SERINC5: variants seen among roughly 807,000 people sequenced by gnomAD.
The protein encoded by SERINC5 is chromosome 5 open reading frame 12.
Under a neutral mutation model 63.1 loss-of-function variants are expected in SERINC5, and 41 were observed. That is an observed-to-expected ratio of 0.65 (90% CI 0.51 to 0.84). SERINC5 has a LOEUF of 0.84. SERINC5 is among the 40% of genes least tolerant of loss of function. The pLI is 0.00. For synonymous variants in SERINC5, 222 were observed against 215.2 expected (o/e 1.03, Z -0.28); for missense variants, 523 against 573.0 (o/e 0.91, Z 0.89).
At chr5:80,249,287 C>T (rs2112611385) in intron 1 of SERINC5, among the ~76,000 whole-genome samples, 1 of 151,608 alleles carries the variant, frequency 6.6e-6, no homozygotes, top group South Asian at 2.1e-4. Flanking sequence ...TGCACTCCAG[C>T]CTGGGCAACA....
At chr5:80,229,858 C>T (rs529590310) in intron 1 of SERINC5, among the ~76,000 whole-genome samples, 1 of 152,278 alleles carries the variant, frequency 6.6e-6, no homozygotes, top group South Asian at 2.1e-4. Context: ...ACAGTAGTTC[C>T]TACATCATAG....
intron 1 of SERINC5, among the ~76,000 whole-genome samples, chr5:80,240,086 C>T (rs1262072636): frequency 2.6e-5 from 4 of 152,132 alleles, no homozygotes; most frequent in Admixed American, 6.5e-5. Flanking sequence ...GGATATGTTA[C>T]GGAACAATTA....
chr5:80,161,033 C>T (rs986414021), intron 7 of SERINC5, among the ~76,000 whole-genome samples: 6 of 115,964 alleles, frequency 5.2e-5, no homozygotes, highest in Non-Finnish European at 8.0e-5. Flanking sequence ...TATATACACA[C>T]GTGTATATAT....
At chr5:80,210,582 G>C (rs1750386990) in intron 1 of SERINC5, among the ~76,000 whole-genome samples, 1 of 152,084 alleles carries the variant, frequency 6.6e-6, no homozygotes, top group Non-Finnish European at 1.5e-5. Flanking sequence ...AGAATTTCCA[G>C]CTGGCAACAA....
chr5:80,241,610 A>C lies in SERINC5; in HGVS notation c.27+14286T>G, dbSNP rs563618736. On this transcript the variant is annotated intron_variant, in intron 1 of 11. Coordinates refer to ENST00000507668, the MANE Select transcript of SERINC5 (RefSeq NM_001174072.3). The stretch of plus-strand genomic sequence containing the variant: ...CAGTTACTTGGTAGGCTGAGGCAGG[A>C]GGATCACCTGAGCAAAGGAGTTTGA... 1.0e-3 allele frequency among the ~76,000 whole-genome samples: 157 copies of C among 152,326 alleles called. 2 individuals carry two copies. Among genetic ancestry groups the C allele is most frequent in the South Asian group, 2.1e-3 (10 of 4,824 alleles).
At chr5:80,191,473 T>A (rs1749175600) in intron 2 of SERINC5, among the ~76,000 whole-genome samples, 1 of 120,152 alleles carries the variant, frequency 8.3e-6, no homozygotes. Context: ...GGAGACTCCA[T>A]CTCTACAAAA....
At chr5:80,240,003 C>G (rs543827323) in intron 1 of SERINC5, among the ~76,000 whole-genome samples, 1 of 152,322 alleles carries the variant, frequency 6.6e-6, no homozygotes, top group African/African-American at 2.4e-5. Flanking sequence ...CTTCCTGAAG[C>G]TCTGCAAGTC....
chr5:80,140,197 T>G lies in SERINC5; in HGVS notation c.*3466A>C. The G allele has an allele frequency of 1.4e-5, 10 of 728,112 alleles. No individual in the cohort carries two copies. Among genetic ancestry groups the G allele is most frequent in the Non-Finnish European group, 1.5e-5 (9 of 597,118 alleles). The allele number at this position is 728,112 out of a possible 1,614,324, so 45.1% of individuals were successfully genotyped here. ...GGCCAGGTGTGATGGGGCAAACCTG[T>G]GGTCTCAGCTACTTGGGAGGTGGTC... On this transcript the variant is annotated 3_prime_UTR_variant, in exon 12 of 12. Coordinates refer to ENST00000507668, the MANE Select transcript of SERINC5 (RefSeq NM_001174072.3).
intron 1 of SERINC5, among the ~76,000 whole-genome samples, chr5:80,250,937 C>G (rs1180838844): frequency 6.7e-6 from 1 of 149,260 alleles, no homozygotes; most frequent in Admixed American, 6.8e-5. Context: ...TCAGCTCTTT[C>G]CCCTACAGTC....
At chr5:80,181,450 T>C (rs10065285) in intron 2 of SERINC5, among the ~76,000 whole-genome samples, 15 of 127,754 alleles carry the variant, frequency 1.2e-4, no homozygotes, top group African/African-American at 3.9e-4. Flanking sequence ...GTGTGTACAG[T>C]TGGTGTTTCA....
chr5:80,240,329 A>C (rs1393462376), intron 1 of SERINC5, among the ~76,000 whole-genome samples: 1 of 152,202 alleles, frequency 6.6e-6, no homozygotes, highest in African/African-American at 2.4e-5. Context: ...CATTTCCACA[A>C]GGTAATTTGA....
intron 1 of SERINC5, among the ~76,000 whole-genome samples, chr5:80,226,888 T>C (rs1223035582): frequency 1.3e-5 from 2 of 152,180 alleles, no homozygotes; most frequent in Non-Finnish European, 2.9e-5. Flanking sequence ...TTTAAATTTT[T>C]GGCATAATAT....
At chr5:80,131,556 G>T (rs1054119177) in intron 11 of SERINC5, among the ~76,000 whole-genome samples, 1 of 152,126 alleles carries the variant, frequency 6.6e-6, no homozygotes, top group African/African-American at 2.4e-5. Context: ...ATACCTCCTG[G>T]ATTTGAACAC....
chr5:80,180,271 A>G (rs900680269), intron 2 of SERINC5, among the ~76,000 whole-genome samples: 3 of 152,226 alleles, frequency 2.0e-5, no homozygotes, highest in Admixed American at 6.5e-5. Context: ...GCTTCTTATC[A>G]ACATCAAAGT....
At chr5:80,132,858 T>C (rs1745002216) in intron 11 of SERINC5, among the ~76,000 whole-genome samples, 1 of 152,180 alleles carries the variant, frequency 6.6e-6, no homozygotes. Flanking sequence ...AATGAAAACC[T>C]AAAGCCAATT....
At chr5:80,206,495 C>T (rs139163195) in intron 1 of SERINC5, among the ~76,000 whole-genome samples, 4 of 152,274 alleles carry the variant, frequency 2.6e-5, no homozygotes, top group Non-Finnish European at 5.9e-5. Flanking sequence ...TTTTCCAAGC[C>T]AGCTTCCTCC....
At chr5:80,192,182 T>C (rs1436542056) in intron 2 of SERINC5, among the ~76,000 whole-genome samples, 1 of 152,158 alleles carries the variant, frequency 6.6e-6, no homozygotes, top group Non-Finnish European at 1.5e-5. Context: ...CCTGCGCTAC[T>C]AGGAAGAATA....
In SERINC5 at chr5:80,150,792, T is replaced by C. The variant is rs145929792; in HGVS notation, c.1053+90A>G. On this transcript the variant is annotated intron_variant, in intron 9 of 11. Coordinates refer to ENST00000507668, the MANE Select transcript of SERINC5 (RefSeq NM_001174072.3). ...TCAGCAGAAAAACAGGATCACGGAATGCAGACTGATAAAGACACAAACACA... is the reference window on the plus strand; with the variant it reads ...TCAGCAGAAAAACAGGATCACGGAACGCAGACTGATAAAGACACAAACACA... The C allele has an allele frequency of 4.6e-4, 412 of 904,752 alleles. 2 individuals are homozygous for C. The African/African-American group carries it at 6.2e-3, about 14-fold the overall frequency. The allele number at this position is 904,752 out of a possible 1,614,324, so 56.0% of individuals were successfully genotyped here. A position where few individuals can be genotyped will look rare whatever the true frequency, so the allele number is the denominator to read the frequency against.
rs1748419755 is a variant in SERINC5, at chr5:80,181,443, T to TGTGTGTGTGTGTGTGTGTGTGTGG, written c.196-3380_196-3379insCCACACACACACACACACACACAC. Among the ~76,000 whole-genome samples the TGTGTGTGTGTGTGTGTGTGTGTGG allele has an allele frequency of 2.6e-5, 4 of 151,880 alleles. No homozygotes were observed. The South Asian group carries it at 8.3e-4, about 32-fold the overall frequency. On this transcript the variant is annotated intron_variant, in intron 2 of 11. Coordinates refer to ENST00000507668, the MANE Select transcript of SERINC5 (RefSeq NM_001174072.3). ...GTGTGTGTGTGTGTGTGTGTGTGTG[T>TGTGTGTGTGTGTGTGTGTGTGTGG]GTACAGTTGGTGTTTCACCATGTTG...
Sources: gnomAD v4.1 joint callset for allele counts (sites outside exome capture counted in the v4.1 genomes callset) on GRCh38, gnomAD v4.1.1 for gene constraint, MANE v1.5 for transcripts, NCBI Gene and HGNC (gene_info 2026-07-23, HGNC 2026-07-21) for gene names.